Variants in DUSP5 observed in about 807,000 individuals in gnomAD.
DUSP5 encodes dual specificity protein phosphatase 5.
A neutral mutation model predicts 33.6 loss-of-function variants in DUSP5; 22 were observed. The ratio of observed to expected loss-of-function variants is 0.66; its 90% confidence interval spans 0.47 to 0.94. The LOEUF is 0.94. Among genes scored for constraint, DUSP5 ranks in the 40% least tolerant of loss-of-function variants. The pLI is 0.00. For synonymous variants in DUSP5, 270 were observed against 231.1 expected (o/e 1.17, Z -1.53); for missense variants, 551 against 522.1 (o/e 1.06, Z -0.54).
At position 110,497,940 on chromosome 10, in the gene DUSP5, TCGAG is replaced by T; in HGVS notation, c.-175_-172del. On this transcript the variant is annotated 5_prime_UTR_variant, in exon 1 of 4. Transcript: ENST00000369583. The stretch of plus-strand genomic sequence containing the variant: ...GGGCGGCGAGCGGCCGGGCTGGCTA[TCGAG>T]CGAGCGGGGCGGGAACGCGGAGTTG... 1 of 332,070 alleles carries T rather than the reference TCGAG, an allele frequency of 3.0e-6. No homozygotes were observed. Among genetic ancestry groups the T allele is most frequent in the South Asian group, 1.2e-4 (1 of 8,390 alleles). The allele number at this position is 332,070 out of a possible 1,614,324, so 20.6% of individuals were successfully genotyped here. A position where few individuals can be genotyped will look rare whatever the true frequency, so the allele number is the denominator to read the frequency against.
chr10:110,508,614 G>A (rs1168019443), intron 3 of DUSP5, among the ~76,000 whole-genome samples: 1 of 152,118 alleles, frequency 6.6e-6, no homozygotes, highest in African/African-American at 2.4e-5. Context: ...CCGAGGTGTC[G>A]AGTGGGCTCC....
chr10:110,506,436 A>G (rs774408519), intron 2 of DUSP5, among the ~76,000 whole-genome samples: 34 of 152,022 alleles, frequency 2.2e-4, no homozygotes, highest in South Asian at 2.1e-4. Context: ...TGTCTTTCCA[A>G]AAAGGAAAAA....
rs1442639051 is a variant in DUSP5 at position 110,498,076 on chromosome 10, C to CCGCGGGG, written c.-41_-35dup. 2 of 1,151,472 alleles carry CCGCGGGG rather than the reference C, an allele frequency of 1.7e-6. No homozygotes were observed. Among genetic ancestry groups the CCGCGGGG allele is most frequent in the Admixed American group, 5.0e-5 (1 of 20,084 alleles). The allele number at this position is 1,151,472 out of a possible 1,614,324, so 71.3% of individuals were successfully genotyped here. ...CCGTGGACACCCTGGCCGTGGGCACCCGCGGGGCGCGCGGCGCGGGGCCGC... is the reference window on the plus strand; with the variant it reads ...CCGTGGACACCCTGGCCGTGGGCACCCGCGGGGCGCGGGGCGCGCGGCGCGGGGCCGC... On this transcript the variant is annotated 5_prime_UTR_variant, in exon 1 of 4. Transcript: ENST00000369583.
intron 1 of DUSP5, among the ~76,000 whole-genome samples, chr10:110,499,505 A>C (rs989475950): frequency 6.7e-6 from 1 of 148,894 alleles, no homozygotes; most frequent in Non-Finnish European, 1.5e-5. Context: ...ACACCTTGGG[A>C]TGTAACAGTG....
At chr10:110,508,589 T>C (rs1323892246) in intron 3 of DUSP5, among the ~76,000 whole-genome samples, 1 of 152,096 alleles carries the variant, frequency 6.6e-6, no homozygotes, top group African/African-American at 2.4e-5. Context: ...AAGAGGGCCA[T>C]GTGGAAGGCA....
At chr10:110,500,825 T>G (rs1860038078) in intron 1 of DUSP5, among the ~76,000 whole-genome samples, 2 of 152,244 alleles carry the variant, frequency 1.3e-5, no homozygotes, top group Admixed American at 1.3e-4. Context: ...TGAGACCATT[T>G]AATCTGGAGG....
chr10:110,508,587 C>T (rs575257290), intron 3 of DUSP5, among the ~76,000 whole-genome samples: 1 of 152,266 alleles, frequency 6.6e-6, no homozygotes, highest in South Asian at 2.1e-4. Context: ...GGAAGAGGGC[C>T]ATGTGGAAGG....
intron 3 of DUSP5, among the ~76,000 whole-genome samples, chr10:110,508,246 T>C (rs1860142734): frequency 1.3e-5 from 2 of 152,136 alleles, no homozygotes; most frequent in African/African-American, 4.8e-5. Flanking sequence ...ATGATTCCTT[T>C]GGAGCTTGAA....
chr10:110,504,653 T>C (rs1283606249), intron 2 of DUSP5, among the ~76,000 whole-genome samples: 2 of 152,196 alleles, frequency 1.3e-5, no homozygotes, highest in African/African-American at 4.8e-5. Context: ...CTCTGCTGTT[T>C]TCCTGGTTTC....
chr10:110,509,714 C>T (rs1022227466), intron 3 of DUSP5, among the ~76,000 whole-genome samples: 8 of 152,230 alleles, frequency 5.3e-5, no homozygotes, highest in African/African-American at 1.4e-4. Context: ...CCAGGTCCAT[C>T]GCCTCCAGAG....
intron 3 of DUSP5, among the ~76,000 whole-genome samples, chr10:110,508,991 CTT>C (rs769479717): frequency 1.2e-4 from 18 of 152,184 alleles, no homozygotes; most frequent in African/African-American, 3.9e-4. Flanking sequence ...AGGGGAATGA[CTT>C]TTTCTTTTGG....
chr10:110,500,146 A>G (rs1055031341), intron 1 of DUSP5, among the ~76,000 whole-genome samples: 1 of 152,232 alleles, frequency 6.6e-6, no homozygotes, highest in Non-Finnish European at 1.5e-5. Flanking sequence ...ATAGTTTTTC[A>G]TAAGTATCTT....
At chr10:110,503,408 G>T (rs1343510460) in intron 2 of DUSP5, 1 of 152,354 alleles carries the variant, frequency 6.6e-6, no homozygotes. Context: ...TCCTCTAAGG[G>T]GTTCTTATGC....
chr10:110,498,518 C>T lies in DUSP5; in HGVS notation c.379+18C>T, dbSNP rs772766696. On this transcript the variant is annotated intron_variant, in intron 1 of 3. Coordinates refer to ENST00000369583, the MANE Select transcript of DUSP5 (RefSeq NM_004419.4). ...CCTCAAAGGTGAGCGCTCGGGGTCC[C>T]TGCCACGCTCGCCCCTCCGGCGCCC... The T allele has an allele frequency of 2.7e-5, 40 of 1,468,378 alleles. No homozygotes were observed. The highest frequency in any genetic ancestry group is 3.6e-5 in the Non-Finnish European group (40 of 1,116,960). 91.0% of individuals were successfully genotyped at this position (1,468,378 alleles called of 1,614,324 possible). A position where few individuals can be genotyped will look rare whatever the true frequency, so the allele number is the denominator to read the frequency against.
rs1860191542 is a variant in DUSP5 at position 110,511,387 on chromosome 10, C to CA, written c.*961_*962insA. 6.6e-6 allele frequency: 1 copy of CA among 152,176 alleles called. No homozygotes were observed. The highest frequency in any genetic ancestry group is 1.5e-5 in the Non-Finnish European group (1 of 67,922). 9.4% of individuals were successfully genotyped at this position (152,176 alleles called of 1,614,324 possible). A position where few individuals can be genotyped will look rare whatever the true frequency, so the allele number is the denominator to read the frequency against. The stretch of plus-strand genomic sequence containing the variant: ...TTGCAGATTTTGCAACGTGGTACTA[C>CA]TTTTTTTTTCTTTTTGTCTGTTAGT... On this transcript the variant is annotated 3_prime_UTR_variant, in exon 4 of 4. Transcript: ENST00000369583.
chr10:110,498,105 CCGG>C lies in DUSP5; in HGVS notation c.-3_-1del, dbSNP rs560715849. 224 of 1,289,906 alleles carry C rather than the reference CCGG, an allele frequency of 1.7e-4. No individual in the cohort carries two copies. The highest frequency in any genetic ancestry group is 1.0e-3 in the South Asian group (52 of 51,344). 79.9% of individuals were successfully genotyped at this position (1,289,906 alleles called of 1,614,324 possible). On this transcript the variant is annotated 5_prime_UTR_variant, in exon 1 of 4. Coordinates refer to ENST00000369583, the MANE Select transcript of DUSP5 (RefSeq NM_004419.4). ...GGGGCGCGCGGCGCGGGGCCGCTGG[CCGG>C]CGGCGGCGGCGGCATGAAGGTCACG...
intron 3 of DUSP5, among the ~76,000 whole-genome samples, chr10:110,509,361 T>A (rs1860157905): frequency 1.3e-5 from 2 of 152,196 alleles, no homozygotes; most frequent in Admixed American, 1.3e-4. Flanking sequence ...CTAGTAGGCG[T>A]CACTTAGCCA....
chr10:110,500,635 G>C (rs945259537), intron 1 of DUSP5, among the ~76,000 whole-genome samples: 1 of 152,226 alleles, frequency 6.6e-6, no homozygotes, highest in Non-Finnish European at 1.5e-5. Context: ...TGCGTGGTCA[G>C]TGCTTATTTA....
At chr10:110,499,645 C>CCTGCTGA (rs922838193) in intron 1 of DUSP5, among the ~76,000 whole-genome samples, 100 of 152,334 alleles carry the variant, frequency 6.6e-4, no homozygotes, top group African/African-American at 2.2e-3. Flanking sequence ...GCTAGCACCT[C>CCTGCTGA]CTGCTGACTG....
Sources: allele counts gnomAD v4.1 joint callset (sites outside exome capture counted in the v4.1 genomes callset), GRCh38; gene constraint gnomAD v4.1.1; transcripts MANE v1.5; gene names NCBI Gene and HGNC (gene_info 2026-07-23, HGNC 2026-07-21).